Variants in TBL1X observed in about 807,000 individuals in gnomAD.
The protein encoded by TBL1X is transducin beta like 1 X-linked.
In TBL1X, 10 loss-of-function variants were observed where a neutral mutation model predicts 50.7. The observed-to-expected ratio is 0.20, with a 90% CI of 0.12 to 0.33. The LOEUF is 0.33. Ranked by LOEUF, TBL1X falls within the 10% of genes least tolerant of loss-of-function variation. The pLI, the probability that TBL1X is intolerant of heterozygous loss-of-function variation, is 1.00. For missense variants in TBL1X, 340 were observed against 504.4 expected, an observed-to-expected ratio of 0.67 and a Z score of 3.12; for synonymous variants, 190 against 214.7, an observed-to-expected ratio of 0.88 and a Z score of 1.01.
At chrX:9,651,964 C>G (rs1024687783) in intron 3 of TBL1X, among the ~76,000 whole-genome samples, 3 of 112,371 alleles carry the variant, frequency 2.7e-5, no homozygotes, top group African/African-American at 9.7e-5. Flanking sequence ...AACACACATT[C>G]ATTCTCTCAC....
intron 2 of TBL1X, among the ~76,000 whole-genome samples, chrX:9,591,935 C>T (rs979274796): frequency 8.9e-6 from 1 of 112,145 alleles, no homozygotes. Flanking sequence ...TAATGAAAGC[C>T]GTTTGGTCAC....
At chrX:9,506,725 A>G (rs758856341) in intron 2 of TBL1X, among the ~76,000 whole-genome samples, 1 of 112,124 alleles carries the variant, frequency 8.9e-6, no homozygotes, top group Admixed American at 9.4e-5. Context: ...CACCCTACCA[A>G]GACTAAACCA....
rs779970573 is a variant in TBL1X, at chrX:9,673,680, G to A, written c.212-10363G>A. On this transcript the variant is annotated intron_variant, in intron 5 of 17. Coordinates refer to ENST00000645353, the MANE Select transcript of TBL1X (RefSeq NM_005647.4). ...ATGCATATGTATATATGTATATATAGCTATCATGTGCTACGTGATGCTTTC... is the reference window on the plus strand; with the variant it reads ...ATGCATATGTATATATGTATATATAACTATCATGTGCTACGTGATGCTTTC... Among the ~76,000 whole-genome samples, 6 of 112,048 alleles carry A rather than the reference G, an allele frequency of 5.4e-5. No homozygotes were observed. In the East Asian group the frequency reaches 1.1e-3, roughly 21 times the overall value.
chrX:9,555,333 C>G (rs2082291448), intron 2 of TBL1X, among the ~76,000 whole-genome samples: 1 of 111,659 alleles, frequency 9.0e-6, no homozygotes, highest in Admixed American at 9.5e-5. Context: ...CCTGTTTCAG[C>G]CTCCCAAAGC....
At chrX:9,675,759 C>T (rs1191423369) in intron 5 of TBL1X, among the ~76,000 whole-genome samples, 1 of 110,083 alleles carries the variant, frequency 9.1e-6, no homozygotes, top group Non-Finnish European at 1.9e-5. Flanking sequence ...GGCGTGGTGG[C>T]ATGCGCCTGT....
At chrX:9,694,300 G>T (rs1046746547) in intron 11 of TBL1X, among the ~76,000 whole-genome samples, 1 of 110,935 alleles carries the variant, frequency 9.0e-6, no homozygotes, top group African/African-American at 3.3e-5. Context: ...TGGAAACCAT[G>T]CCTGAATACT....
chrX:9,473,000 G>C (rs890428222), intron 1 of TBL1X, among the ~76,000 whole-genome samples: 30 of 111,631 alleles, frequency 2.7e-4, no homozygotes, highest in African/African-American at 9.8e-4. Context: ...GTGGGTAATT[G>C]GGTAATTGTC....
intron 5 of TBL1X, among the ~76,000 whole-genome samples, chrX:9,658,885 G>A (rs1219694748): frequency 3.6e-5 from 4 of 112,159 alleles, no homozygotes; most frequent in African/African-American, 9.7e-5. Context: ...GCTCACTGCA[G>A]CCTCTACCTC....
chrX:9,657,522 G>A (rs1270097092), intron 5 of TBL1X, among the ~76,000 whole-genome samples: 1 of 112,678 alleles, frequency 8.9e-6, no homozygotes, highest in Non-Finnish European at 1.9e-5. Context: ...GCAGGGTGTT[G>A]AAGAAGGATC....
chrX:9,531,064 A>G (rs1431690245), intron 2 of TBL1X: 1 of 111,184 alleles, frequency 9.0e-6, no homozygotes, highest in African/African-American at 3.3e-5. Flanking sequence ...CTGAATAGAG[A>G]AGGATCAGGA....
At chrX:9,668,635 A>G (rs2082944314) in intron 5 of TBL1X, among the ~76,000 whole-genome samples, 1 of 112,511 alleles carries the variant, frequency 8.9e-6, no homozygotes, top group African/African-American at 3.2e-5. Flanking sequence ...GCATAAGTGC[A>G]GTAAGAATCT....
At chrX:9,675,796 C>T (rs1428985340) in intron 5 of TBL1X, among the ~76,000 whole-genome samples, 1 of 107,672 alleles carries the variant, frequency 9.3e-6, no homozygotes, top group African/African-American at 3.4e-5. Context: ...GAGGCTGAGG[C>T]AGGAGAATCG....
At chrX:9,701,024 C>T (rs1336860326) in intron 12 of TBL1X, among the ~76,000 whole-genome samples, 1 of 110,280 alleles carries the variant, frequency 9.1e-6, no homozygotes, top group African/African-American at 3.3e-5. Flanking sequence ...TGTGCCGATA[C>T]AGTAGCTGAG....
chrX:9,548,816 G>C (rs967671498), intron 2 of TBL1X, among the ~76,000 whole-genome samples: 3 of 112,746 alleles, frequency 2.7e-5, no homozygotes, highest in Non-Finnish European at 5.6e-5. Context: ...GATTTCTCTA[G>C]TGATGTGGTG....
At chrX:9,641,767 G>A (rs1358746776) in intron 3 of TBL1X, among the ~76,000 whole-genome samples, 1 of 112,571 alleles carries the variant, frequency 8.9e-6, no homozygotes, top group East Asian at 2.8e-4. Context: ...AGGTTCGTGT[G>A]CATTGTGGCA....
At chrX:9,544,257 T>C (rs949813447) in intron 2 of TBL1X, among the ~76,000 whole-genome samples, 1 of 112,054 alleles carries the variant, frequency 8.9e-6, no homozygotes, top group Non-Finnish European at 1.9e-5. Context: ...GGTGTCCTAG[T>C]GGAAGAGCTT....
At chrX:9,662,330 A>G (rs2082903544) in intron 5 of TBL1X, among the ~76,000 whole-genome samples, 2 of 111,971 alleles carry the variant, frequency 1.8e-5, no homozygotes, top group African/African-American at 3.2e-5. Context: ...GACAGAGGAA[A>G]TTCCATCAAC....
rs72612803 is a variant in TBL1X, at chrX:9,556,199, A to C, written c.-131+54350A>C. On this transcript the variant is annotated intron_variant, in intron 2 of 17. Coordinates refer to ENST00000645353, the MANE Select transcript of TBL1X (RefSeq NM_005647.4). ...GAGACTGTGTCTAAACAAAAAAAAA[A>C]CAAAACAAAACAAAAAAAACAGTAC... is the stretch of plus-strand genomic sequence containing the variant. 1.6e-3 allele frequency among the ~76,000 whole-genome samples: 169 copies of C among 103,792 alleles called. 2 individuals are homozygous for C. In the East Asian group the frequency reaches 0.026, roughly 16 times the overall value. The allele number at this position is 103,792 out of a possible 115,157, so 90.1% of individuals were successfully genotyped here. A position where few individuals can be genotyped will look rare whatever the true frequency, so the allele number is the denominator to read the frequency against.
intron 2 of TBL1X, among the ~76,000 whole-genome samples, chrX:9,577,402 G>T (rs1242689960): frequency 8.9e-6 from 1 of 112,166 alleles, no homozygotes; most frequent in Non-Finnish European, 1.9e-5. Flanking sequence ...GCTTCTGGAA[G>T]AGCCGGCCCC....
Sources: gnomAD v4.1 joint callset for allele counts (sites outside exome capture counted in the v4.1 genomes callset) on GRCh38, gnomAD v4.1.1 for gene constraint, MANE v1.5 for transcripts, NCBI Gene and HGNC (gene_info 2026-07-23, HGNC 2026-07-21) for gene names.